PCSK5: variants seen among roughly 807,000 people sequenced by gnomAD.
PCSK5 encodes proprotein convertase subtilisin/kexin type 5, also known as prohormone convertase 5.
In PCSK5, 129 loss-of-function variants were observed where a neutral mutation model predicts 233.2. The ratio of observed to expected loss-of-function variants is 0.55; its 90% confidence interval spans 0.48 to 0.64. PCSK5 has a LOEUF of 0.64. PCSK5 is among the 30% of genes least tolerant of loss of function. The probability of loss-of-function intolerance (pLI) is 0.00; values close to 1 mark genes in which losing one functional copy is unlikely to be tolerated. For missense variants in PCSK5, 2,076 were observed against 2,430.1 expected, an observed-to-expected ratio of 0.85 and a Z score of 3.06; for synonymous variants, 825 against 879.2, an observed-to-expected ratio of 0.94 and a Z score of 1.09.
chr9:76,085,988 G>C (rs769442193), intron 7 of PCSK5, among the ~76,000 whole-genome samples: 15 of 152,102 alleles, frequency 9.9e-5, no homozygotes, highest in Non-Finnish European at 2.2e-4. Flanking sequence ...TATTCTCTAT[G>C]AAAGGAATTT....
intron 34 of PCSK5, among the ~76,000 whole-genome samples, chr9:76,332,912 C>T (rs1189206081): frequency 6.6e-6 from 1 of 152,266 alleles, no homozygotes; most frequent in South Asian, 2.1e-4. Flanking sequence ...CACTGTGGCT[C>T]ATGCCTGTAA....
chr9:76,204,388 G>C (rs1203368373), intron 20 of PCSK5, among the ~76,000 whole-genome samples: 1 of 152,102 alleles, frequency 6.6e-6, no homozygotes, highest in African/African-American at 2.4e-5. Flanking sequence ...TGCGAAGTCT[G>C]ATACCCCTAC....
intron 2 of PCSK5, among the ~76,000 whole-genome samples, chr9:75,963,893 TA>T (rs202238261): frequency 1.3e-5 from 2 of 150,726 alleles, no homozygotes; most frequent in East Asian, 1.9e-4. Flanking sequence ...AAATAAAAAT[TA>T]AAAAAAAAAT....
In PCSK5 at chr9:76,332,513, T is replaced by G; in HGVS notation, c.4651T>G (p.Cys1551Gly). The G allele has an allele frequency of 6.2e-7, 1 of 1,612,762 alleles. No individual in the cohort carries two copies. The highest frequency in any genetic ancestry group is 8.5e-7 in the Non-Finnish European group (1 of 1,179,770). ...CCGGTGTGCCCACTGCCACAGCTCT[T>G]GCAGGACATGTGAAGGGAGACACAG... ...SNRCAHCHSSCRTCEGRHSRQ... is the reference protein window; with the variant it reads ...SNRCAHCHSSGRTCEGRHSRQ... Residue 1551 changes from cysteine (C) to glycine (G), a missense_variant, in exon 34 of 38, where the codon TGC becomes GGC. Cys to Gly is a radical substitution (Grantham distance 159, BLOSUM62 -3). Transcript: ENST00000674117.
intron 13 of PCSK5, among the ~76,000 whole-genome samples, chr9:76,171,532 C>T (rs1035800669): frequency 1.1e-4 from 16 of 152,226 alleles, no homozygotes; most frequent in African/African-American, 3.9e-4. Context: ...GCCCAGGCTG[C>T]TCCTAAGGGC....
intron 7 of PCSK5, among the ~76,000 whole-genome samples, chr9:76,089,640 T>C (rs1831204333): frequency 6.6e-6 from 1 of 152,224 alleles, no homozygotes; most frequent in Non-Finnish European, 1.5e-5. Context: ...ACAAGAAACC[T>C]AGGTCATTTA....
chr9:76,256,974 C>T (rs891507579), intron 24 of PCSK5, among the ~76,000 whole-genome samples: 27 of 152,214 alleles, frequency 1.8e-4, no homozygotes, highest in African/African-American at 6.0e-4. Context: ...TAGAAAGGTG[C>T]TCATATCTTG....
chr9:76,083,204 C>CAAAA (rs11324176), intron 7 of PCSK5, among the ~76,000 whole-genome samples: 22 of 75,400 alleles, frequency 2.9e-4, no homozygotes, highest in African/African-American at 3.6e-4. Context: ...AGCGAGATCT[C>CAAAA]AAAAAAAAAA....
At chr9:76,062,522 T>C (rs545098855) in intron 5 of PCSK5, among the ~76,000 whole-genome samples, 2 of 152,298 alleles carry the variant, frequency 1.3e-5, no homozygotes, top group South Asian at 4.1e-4. Context: ...ATGAAAGAGA[T>C]TGGAAAACTC....
chr9:76,231,084 A>C (rs1440756367), intron 21 of PCSK5, among the ~76,000 whole-genome samples: 1 of 152,132 alleles, frequency 6.6e-6, no homozygotes, highest in African/African-American at 2.4e-5. Context: ...TTTATAAAGA[A>C]AAGAGGTTTA....
At chr9:76,193,369 T>G (rs775121369) in intron 20 of PCSK5, 1 of 1,605,734 alleles carries the variant, frequency 6.2e-7, no homozygotes, top group Non-Finnish European at 8.5e-7. Flanking sequence ...ATCTTAGATT[T>G]CTTTGTTCCT....
intron 1 of PCSK5, among the ~76,000 whole-genome samples, chr9:75,917,281 A>G (rs1823048419): frequency 1.3e-5 from 2 of 152,146 alleles, no homozygotes; most frequent in Non-Finnish European, 2.9e-5. Flanking sequence ...TGAGTTATTT[A>G]TCCTGTTTAC....
intron 2 of PCSK5, among the ~76,000 whole-genome samples, chr9:75,956,214 A>T (rs1411722867): frequency 6.6e-6 from 1 of 152,208 alleles, no homozygotes; most frequent in Non-Finnish European, 1.5e-5. Context: ...GCCTTGGCAT[A>T]CTTTGCAATT....
intron 28 of PCSK5, among the ~76,000 whole-genome samples, chr9:76,307,647 A>G (rs1010211134): frequency 2.6e-5 from 4 of 152,118 alleles, no homozygotes; most frequent in African/African-American, 9.7e-5. Flanking sequence ...AACCTGGGAC[A>G]ACCTACTTAT....
intron 5 of PCSK5, among the ~76,000 whole-genome samples, chr9:76,040,395 C>CTCTGTCTCCCTGTCTCTCTG (rs774103438): frequency 1.8e-5 from 2 of 111,924 alleles, no homozygotes; most frequent in African/African-American, 3.2e-5. Flanking sequence ...GTCTCTCTCT[C>CTCTGTCTCCCTGTCTCTCTG]TCTCTCTCTC....
chr9:76,195,810 C>CGGTT (rs1824673126), intron 20 of PCSK5: 2 of 152,026 alleles, frequency 1.3e-5, no homozygotes, highest in Admixed American at 1.3e-4. Context: ...TATAGTAGAA[C>CGGTT]GGTTGTAACT....
At chr9:76,133,959 T>C (rs1001560122) in intron 9 of PCSK5, 150 bp from the exon 10 acceptor site, 40 of 596,064 alleles carry the variant, frequency 6.7e-5, no homozygotes, top group Middle Eastern at 7.6e-4. Context: ...GAGCGGCATT[T>C]GGCATTTGGT....
intron 36 of PCSK5, among the ~76,000 whole-genome samples, chr9:76,351,457 AAAG>A (rs1587367001): frequency 9.8e-5 from 1 of 10,252 alleles, no homozygotes; most frequent in East Asian, 5.5e-3. Context: ...GGAAAGAAAG[AAAG>A]AAAGAAAGAA....
intron 2 of PCSK5, among the ~76,000 whole-genome samples, chr9:75,959,495 C>G (rs1014282639): frequency 6.6e-6 from 1 of 152,148 alleles, no homozygotes; most frequent in African/African-American, 2.4e-5. Flanking sequence ...ATGTCATGCT[C>G]TTACTAAAAG....
Sources: allele counts gnomAD v4.1 joint callset (sites outside exome capture counted in the v4.1 genomes callset), GRCh38; gene constraint gnomAD v4.1.1; transcripts MANE v1.5; gene names NCBI Gene and HGNC (gene_info 2026-07-23, HGNC 2026-07-21).